The following INPP5D variants were observed in gnomAD, a reference collection of about 807,000 sequenced individuals.
INPP5D encodes phosphatidylinositol 3,4,5-trisphosphate 5-phosphatase 1.
A neutral mutation model predicts 122.9 loss-of-function variants in INPP5D; 33 were observed. The observed-to-expected ratio is 0.27, with a 90% CI of 0.20 to 0.36. The LOEUF (loss-of-function observed/expected upper bound fraction) is 0.36, where lower values mean the gene tolerates loss of function less well. Among genes scored for constraint, INPP5D ranks in the 10% least tolerant of loss-of-function variants. The pLI, the probability that INPP5D is intolerant of heterozygous loss-of-function variation, is 1.00. For missense variants in INPP5D, 1,053 were observed against 1,412.7 expected, an observed-to-expected ratio of 0.75 and a Z score of 4.08; for synonymous variants, 584 against 576.2, an observed-to-expected ratio of 1.01 and a Z score of -0.19.
intron 2 of INPP5D, chr2:233,120,483 C>CAAATA (rs377281795): frequency 1.3e-5 from 2 of 152,268 alleles, no homozygotes; most frequent in Non-Finnish European, 2.9e-5. Context: ...GACTCCATCT[C>CAAATA]AAATAAAATA....
intron 22 of INPP5D, among the ~76,000 whole-genome samples, chr2:233,190,188 G>A (rs1695016574): frequency 6.6e-6 from 1 of 152,198 alleles, no homozygotes; most frequent in South Asian, 2.1e-4. Flanking sequence ...ATCTGTGCCA[G>A]GCACTTTCCA....
intron 2 of INPP5D, among the ~76,000 whole-genome samples, chr2:233,098,365 G>T (rs1314321267): frequency 6.6e-6 from 1 of 152,120 alleles, no homozygotes; most frequent in Non-Finnish European, 1.5e-5. Flanking sequence ...TGAGCCACAG[G>T]GTCTTCTGAG....
intron 1 of INPP5D, among the ~76,000 whole-genome samples, chr2:233,062,251 A>G (rs969173859): frequency 6.6e-6 from 1 of 152,166 alleles, no homozygotes; most frequent in Non-Finnish European, 1.5e-5. Flanking sequence ...TTAACCTTCA[A>G]CACAGCCCTT....
intron 24 of INPP5D, among the ~76,000 whole-genome samples, chr2:233,196,123 CA>C (rs758507808): frequency 6.6e-6 from 1 of 151,526 alleles, no homozygotes; most frequent in Non-Finnish European, 1.5e-5. Context: ...GACCTTGTCT[CA>C]AAAAAAACAA....
At chr2:233,148,026 A>G (rs1693814278) in intron 9 of INPP5D, among the ~76,000 whole-genome samples, 1 of 152,262 alleles carries the variant, frequency 6.6e-6, no homozygotes, top group Non-Finnish European at 1.5e-5. Flanking sequence ...AATATGCTCA[A>G]GGCTCTTTAG....
chr2:233,142,409 C>T (rs1693652152), intron 6 of INPP5D, among the ~76,000 whole-genome samples: 1 of 152,198 alleles, frequency 6.6e-6, no homozygotes, highest in Non-Finnish European at 1.5e-5. Flanking sequence ...GTCTCCCCAT[C>T]TGTGAAATGG....
intron 3 of INPP5D, 46 bp downstream of exon 3, chr2:233,122,303 G>C: frequency 1.3e-6 from 2 of 1,586,688 alleles, no homozygotes; most frequent in Non-Finnish European, 8.6e-7. Flanking sequence ...TTGGGAACTT[G>C]CCCTGCACCC....
chr2:233,100,883 C>T lies in INPP5D; in HGVS notation c.199-21224C>T, dbSNP rs1692291455. The stretch of plus-strand genomic sequence containing the variant: ...GGCATTTCTTGGTTTCAGACAATCT[C>T]ACCTACCCCTCAAAGAAGGCGGAAG... On this transcript the variant is annotated intron_variant, in intron 2 of 26. Coordinates refer to ENST00000445964, the MANE Select transcript of INPP5D (RefSeq NM_001017915.3). The surrounding 1 kb of genome is among the most constrained non-coding windows in gnomAD (Gnocchi z 5.3). Among the ~76,000 whole-genome samples, 1 of 150,842 alleles carries T rather than the reference C, an allele frequency of 6.6e-6. No individual in the cohort carries two copies. The highest frequency in any genetic ancestry group is 2.1e-4 in the South Asian group (1 of 4,774).
rs928959617 is a variant in INPP5D at position 233,122,091 on chromosome 2, G to C, written c.199-16G>C. ...GTTGGTTAACATGTGCGTTTGTTTG[G>C]ATGTTCTGTCCTCAGGCATCCGAAG... On this transcript the variant is annotated splice_polypyrimidine_tract_variant and intron_variant, in intron 2 of 26. Transcript: ENST00000445964. 6 of 1,613,020 alleles carry C rather than the reference G, an allele frequency of 3.7e-6. No individual in the cohort carries two copies. In the African/African-American group the frequency reaches 6.7e-5, roughly 18 times the overall value.
chr2:233,204,465 G>A lies in INPP5D; in HGVS notation c.3315G>A (p.Lys1105=). Residue 1105 remains lysine (K), a synonymous_variant, in exon 26 of 27, where the codon AAG becomes AAA. Transcript: ENST00000445964. ...CCGGCGGGGACAAGAGCCAAGGGAA[G>A]CCCAAGACCCCGGTCAGCTCCCAGG... ...RAAGGDKSQG[K]PKTPVSSQAP... 1.3e-6 allele frequency: 2 copies of A among 1,594,172 alleles called. No homozygotes were observed. Among genetic ancestry groups the A allele is most frequent in the Admixed American group, 1.8e-5 (1 of 57,070 alleles).
intron 13 of INPP5D, among the ~76,000 whole-genome samples, chr2:233,167,472 C>A (rs1694374336): frequency 6.6e-6 from 1 of 152,152 alleles, no homozygotes; most frequent in Non-Finnish European, 1.5e-5. Context: ...GCCCAAGGCC[C>A]CGGGATAAGA....
chr2:233,084,620 G>A (rs1446653105), intron 2 of INPP5D, among the ~76,000 whole-genome samples: 2 of 152,246 alleles, frequency 1.3e-5, no homozygotes, highest in Non-Finnish European at 2.9e-5. Context: ...GAGGTGAACG[G>A]TTGAGCCATT....
chr2:233,202,343 C>G (rs1242115235), intron 25 of INPP5D, among the ~76,000 whole-genome samples: 1 of 152,220 alleles, frequency 6.6e-6, no homozygotes, highest in Non-Finnish European at 1.5e-5. Context: ...GGAGGGGGCC[C>G]TTTCCAAAGT....
intron 17 of INPP5D, among the ~76,000 whole-genome samples, chr2:233,172,749 G>A (rs1694522343): frequency 6.6e-6 from 1 of 152,204 alleles, no homozygotes; most frequent in Admixed American, 6.5e-5. Flanking sequence ...GGAACCTCAT[G>A]AAGTGTGTAT....
intron 9 of INPP5D, among the ~76,000 whole-genome samples, chr2:233,157,033 A>C (rs543095504): frequency 2.1e-4 from 32 of 152,340 alleles, no homozygotes; most frequent in African/African-American, 7.7e-4. Context: ...AGATGATGGA[A>C]CAAGGTTCCA....
chr2:233,120,250 G>A (rs1692930373), intron 2 of INPP5D, among the ~76,000 whole-genome samples: 1 of 152,210 alleles, frequency 6.6e-6, no homozygotes. Flanking sequence ...TTGGGAGGCT[G>A]AGGTGGGTGG....
intron 1 of INPP5D, among the ~76,000 whole-genome samples, chr2:233,063,794 G>A (rs1041911056): frequency 6.6e-6 from 1 of 152,250 alleles, no homozygotes; most frequent in Non-Finnish European, 1.5e-5. Flanking sequence ...TTCAGCCAGG[G>A]GCTCTTCTAA....
intron 13 of INPP5D, among the ~76,000 whole-genome samples, chr2:233,166,015 A>C (rs1694326290): frequency 6.6e-6 from 1 of 152,108 alleles, no homozygotes; most frequent in Non-Finnish European, 1.5e-5. Context: ...GAATTGCTGC[A>C]ATCGAACGTG....
At position 233,133,348 on chromosome 2, in the gene INPP5D, T is replaced by A. The variant is rs531123093; in HGVS notation, c.665+2700T>A. Among the ~76,000 whole-genome samples the A allele has an allele frequency of 4.5e-4, 69 of 152,066 alleles. 1 individual carries two copies. The highest frequency in any genetic ancestry group is 1.6e-3 in the African/African-American group (68 of 41,466). ...GGTGAAGGAGGTGACAGAACTGGGG[T>A]CTTGCCACACAGTGATTTGGCAGAG... On this transcript the variant is annotated intron_variant, in intron 5 of 26. Coordinates refer to ENST00000445964, the MANE Select transcript of INPP5D (RefSeq NM_001017915.3).
Sources: gnomAD v4.1 joint callset for allele counts (sites outside exome capture counted in the v4.1 genomes callset) on GRCh38, gnomAD v4.1.1 for gene constraint, Gnocchi (gnomAD v3.1) non-coding constraint, MANE v1.5 for transcripts, NCBI Gene and HGNC (gene_info 2026-07-23, HGNC 2026-07-21) for gene names.